Variants in TJP2 observed in about 807,000 individuals in gnomAD.
The protein encoded by TJP2 is tight junction protein 2.
TJP2 carries 91 observed loss-of-function variants against 133.1 expected under a neutral mutation model. The ratio of observed to expected loss-of-function variants is 0.68; its 90% CI spans 0.58 to 0.81. The LOEUF is 0.81. TJP2 is among the 40% of genes least tolerant of loss of function. The probability of loss-of-function intolerance (pLI) is 0.00; values close to 1 mark genes in which losing one functional copy is unlikely to be tolerated. For synonymous variants in TJP2, 592 were observed against 583.4 expected (o/e 1.01, Z -0.21); for missense variants, 1,541 against 1,565.6 (o/e 0.98, Z 0.26).
chr9:69,174,323 A>G lies in TJP2; in HGVS notation c.-50A>G. ...CAGGAGGAGTAGGAGCAGGAGCAGA[A>G]GCAGAAGCGGGGTCCGGAGCTGCGC... On this transcript the variant is annotated 5_prime_UTR_variant, in exon 1 of 23. Coordinates refer to ENST00000377245, the MANE Select transcript of TJP2 (RefSeq NM_004817.4). 1 of 1,550,784 alleles carries G rather than the reference A, an allele frequency of 6.4e-7. No homozygotes were observed. The highest frequency in any genetic ancestry group is 1.2e-5 in the South Asian group (1 of 84,020).
At chr9:69,186,033 G>A (rs1041299206) in intron 1 of TJP2, among the ~76,000 whole-genome samples, 2 of 152,092 alleles carry the variant, frequency 1.3e-5, no homozygotes, top group African/African-American at 4.8e-5. Flanking sequence ...CTCCCAAAGT[G>A]CTGGGATTAC....
At chr9:69,216,940 T>C (rs1828429312) in intron 3 of TJP2, among the ~76,000 whole-genome samples, 1 of 152,248 alleles carries the variant, frequency 6.6e-6, no homozygotes, top group Non-Finnish European at 1.5e-5. Flanking sequence ...CTTTCTGACC[T>C]GAAGAAGTAA....
At chr9:69,173,924 T>G (rs1289726033), upstream of TJP2, 1 of 982,702 alleles carries the variant, frequency 1.0e-6, no homozygotes, top group African/African-American at 1.8e-5. Context: ...CTTGCTCCAG[T>G]GCACGCCGCG....
chr9:69,200,351 A>G (rs539200136), intron 1 of TJP2, among the ~76,000 whole-genome samples: 1 of 151,448 alleles, frequency 6.6e-6, no homozygotes, highest in South Asian at 2.1e-4. Context: ...TCAGTTAACA[A>G]CCCGCCTGTG....
intron 2 of TJP2, among the ~76,000 whole-genome samples, chr9:69,155,216 A>T (rs1258230519): frequency 7.9e-5 from 11 of 139,082 alleles, no homozygotes; most frequent in Non-Finnish European, 1.5e-4. Flanking sequence ...GAAAGAGTGA[A>T]ACTCCATTTC....
intron 11 of TJP2, 48 bp downstream of exon 11, chr9:69,230,280 A>G (rs1829674117): frequency 1.9e-6 from 3 of 1,611,810 alleles, no homozygotes; most frequent in East Asian, 2.2e-5. Flanking sequence ...TAAGGAGTGC[A>G]CTTTTCTGGG....
intron 1 of TJP2, among the ~76,000 whole-genome samples, chr9:69,195,878 A>G (rs1202032027): frequency 6.6e-6 from 1 of 152,232 alleles, no homozygotes; most frequent in Non-Finnish European, 1.5e-5. Flanking sequence ...AATAGCTATC[A>G]TGCTTGTGAA....
At chr9:69,174,914 T>G (rs540212011) in intron 1 of TJP2, among the ~76,000 whole-genome samples, 1,304 of 48,750 alleles carry the variant, frequency 0.027, 17 homozygotes, top group African/African-American at 0.074. Flanking sequence ...AAGTTGTTTT[T>G]TTTTTTTTTT....
Position 69,151,561 on chromosome 9 carries a change from G to A in TJP2, c.-130-90G>A, listed in dbSNP as rs1044909374. ...AAGCCATCCTAAAAACGGGCAAATT[G>A]TATGGTATGTGGACTTCAGTGCATT... On this transcript the variant is annotated intron_variant, in intron 1 of 5. Transcript: ENST00000423935. 1.9e-5 allele frequency: 23 copies of A among 1,213,438 alleles called. No homozygotes were observed. In the South Asian group the frequency reaches 9.0e-4, roughly 47 times the overall value. 75.2% of individuals were successfully genotyped at this position (1,213,438 alleles called of 1,614,324 possible). A position where few individuals can be genotyped will look rare whatever the true frequency, so the allele number is the denominator to read the frequency against.
At chr9:69,141,202 AT>A (rs933306679) in intron 1 of TJP2, among the ~76,000 whole-genome samples, 1 of 152,190 alleles carries the variant, frequency 6.6e-6, no homozygotes, top group Non-Finnish European at 1.5e-5. Context: ...TCCATGAATT[AT>A]TATATATATG....
chr9:69,158,619 G>T (rs1220440789), intron 2 of TJP2, among the ~76,000 whole-genome samples: 1 of 152,000 alleles, frequency 6.6e-6, no homozygotes, highest in Non-Finnish European at 1.5e-5. Flanking sequence ...ACAGGGTCTT[G>T]CTCTGTTCCC....
chr9:69,160,301 T>A (rs942167408), intron 2 of TJP2, among the ~76,000 whole-genome samples: 1 of 152,224 alleles, frequency 6.6e-6, no homozygotes, highest in African/African-American at 2.4e-5. Flanking sequence ...AAACTTAGCT[T>A]ATGACTTTGG....
chr9:69,233,267 A>C (rs2133364649), intron 11 of TJP2, among the ~76,000 whole-genome samples: 1 of 152,338 alleles, frequency 6.6e-6, no homozygotes, highest in East Asian at 1.9e-4. Flanking sequence ...TTTGGCCTTA[A>C]TTAAGGCCCA....
intron 1 of TJP2, among the ~76,000 whole-genome samples, chr9:69,210,513 G>A (rs1161412019): frequency 6.6e-6 from 1 of 152,126 alleles, no homozygotes; most frequent in Non-Finnish European, 1.5e-5. Context: ...TTGAAGAACA[G>A]TCGTCACAGT....
chr9:69,208,900 C>A (rs868162599), intron 1 of TJP2, among the ~76,000 whole-genome samples: 14 of 152,034 alleles, frequency 9.2e-5, no homozygotes, highest in Admixed American at 2.0e-4. Flanking sequence ...ACCACAACTT[C>A]TAGATTAATT....
chr9:69,218,643 C>G, intron 4 of TJP2: 1 of 436,362 alleles, frequency 2.3e-6, no homozygotes, highest in South Asian at 2.2e-5. Flanking sequence ...ATTCAGAATA[C>G]TGGTAAAATA....
chr9:69,254,492 C>T lies in TJP2; in HGVS notation c.*118C>T. The T allele has an allele frequency of 7.5e-7, 1 of 1,333,324 alleles. No homozygotes were observed. Among genetic ancestry groups the T allele is most frequent in the Non-Finnish European group, 1.1e-6 (1 of 950,466 alleles). The allele number at this position is 1,333,324 out of a possible 1,614,324, so 82.6% of individuals were successfully genotyped here. A position where few individuals can be genotyped will look rare whatever the true frequency, so the allele number is the denominator to read the frequency against. On this transcript the variant is annotated 3_prime_UTR_variant, in exon 23 of 23. Transcript: ENST00000377245. ...TGCACCATGGAGACGTGGTGGGACT[C>T]CAGCTCGTGTGTCCTCATGGAGAAC...
chr9:69,122,789 G>A lies in TJP2; in HGVS notation c.-131+1064G>A, dbSNP rs149672010. ...CAGAGGTGGGCGAGTTCCGTAGGGA[G>A]GCCTCCGCAGGCAGGTCTTCTGTCC... On this transcript the variant is annotated intron_variant, in intron 1 of 5. Coordinates refer to the TJP2 transcript ENST00000423935. Among the ~76,000 whole-genome samples the A allele has an allele frequency of 3.0e-3, 456 of 152,286 alleles. 2 individuals carry two copies. The highest frequency in any genetic ancestry group is 0.01 in the African/African-American group (435 of 41,554).
chr9:69,198,141 CT>C (rs5898062), intron 1 of TJP2, among the ~76,000 whole-genome samples: 31 of 96,350 alleles, frequency 3.2e-4, no homozygotes, highest in African/African-American at 8.2e-4. Flanking sequence ...TTTCCCAATT[CT>C]TTTTTTTTTT....
Sources: gnomAD v4.1 joint callset for allele counts (sites outside exome capture counted in the v4.1 genomes callset) on GRCh38, gnomAD v4.1.1 for gene constraint, MANE v1.5 for transcripts, NCBI Gene and HGNC (gene_info 2026-07-23, HGNC 2026-07-21) for gene names.